MAGI2: variants seen among roughly 807,000 people sequenced by gnomAD.
The protein encoded by MAGI2 is membrane associated guanylate kinase, WW and PDZ domain containing 2, also known as membrane-associated guanylate kinase, WW and PDZ domain-containing protein 2.
MAGI2 carries 35 observed loss-of-function variants against 133.3 expected under a neutral mutation model. The observed-to-expected ratio is 0.26, with a 90% confidence interval of 0.20 to 0.35. MAGI2 has a LOEUF of 0.35. Ranked by LOEUF, MAGI2 falls within the 10% of genes least tolerant of loss-of-function variation. The pLI is 1.00. For synonymous variants in MAGI2, 729 were observed against 710.6 expected (o/e 1.03, Z -0.41); for missense variants, 1,636 against 1,863.4 (o/e 0.88, Z 2.25).
At chr7:78,241,658 T>C (rs4730151) in intron 10 of MAGI2, among the ~76,000 whole-genome samples, 50,503 of 151,966 alleles carry the variant, frequency 0.33, 8,471 homozygotes, top group Middle Eastern at 0.4. Context: ...CATGGCCAGG[T>C]GCAGTGGCTC....
At chr7:78,246,207 G>A (rs1791762996) in intron 10 of MAGI2, among the ~76,000 whole-genome samples, 1 of 152,166 alleles carries the variant, frequency 6.6e-6, no homozygotes, top group Non-Finnish European at 1.5e-5. Context: ...CCATGTCTGA[G>A]CTGAAATAGT....
rs71517019 is a variant in MAGI2, at chr7:78,497,722, TTCTATCTA to T, written c.965+3847_965+3854del. The stretch of plus-strand genomic sequence containing the variant: ...CCTTTATGCTATTCAGAAATAACTA[TTCTATCTA>T]TCTATCTATCTATCTATCTATCTAT... On this transcript the variant is annotated intron_variant, in intron 5 of 21. Coordinates refer to ENST00000354212, the MANE Select transcript of MAGI2 (RefSeq NM_012301.4). 5.8e-3 allele frequency among the ~76,000 whole-genome samples: 568 copies of T among 97,238 alleles called. 8 individuals are homozygous for T. Among genetic ancestry groups the T allele is most frequent in the East Asian group, 0.017 (66 of 3,796 alleles). The allele number at this position is 97,238 out of a possible 152,430, so 63.8% of individuals were successfully genotyped here.
At chr7:79,425,102 T>A (rs1847247155) in intron 1 of MAGI2, among the ~76,000 whole-genome samples, 1 of 151,746 alleles carries the variant, frequency 6.6e-6, no homozygotes, top group Non-Finnish European at 1.5e-5. Context: ...AGAAAAAAAA[T>A]TAGCTGGGAG....
At chr7:78,338,641 C>A (rs565190935) in intron 9 of MAGI2, among the ~76,000 whole-genome samples, 1 of 152,086 alleles carries the variant, frequency 6.6e-6, no homozygotes, top group African/African-American at 2.4e-5. Context: ...AAGAGCCATT[C>A]CCTCTATTAT....
chr7:78,431,335 T>G (rs796891550), intron 6 of MAGI2, among the ~76,000 whole-genome samples: 5 of 152,178 alleles, frequency 3.3e-5, no homozygotes, highest in African/African-American at 1.2e-4. Context: ...TGACTTTCTT[T>G]CGAGCTAATA....
chr7:78,885,729 T>G lies in MAGI2; in HGVS notation c.418+121361A>C, dbSNP rs886596471. ...ACTTTGAAATTTTAATTTACTATAA[T>G]ATATTTTGAAAACCAGCTACTTTTT... On this transcript the variant is annotated intron_variant, in intron 2 of 21. Coordinates refer to ENST00000354212, the MANE Select transcript of MAGI2 (RefSeq NM_012301.4). 5.3e-5 allele frequency among the ~76,000 whole-genome samples: 8 copies of G among 151,716 alleles called. No homozygotes were observed. The East Asian group carries it at 5.8e-4, about 11-fold the overall frequency.
At chr7:79,263,696 T>C (rs1834234703) in intron 1 of MAGI2, among the ~76,000 whole-genome samples, 1 of 152,162 alleles carries the variant, frequency 6.6e-6, no homozygotes, top group African/African-American at 2.4e-5. Flanking sequence ...ATGACAAATA[T>C]ATTGAACTCT....
intron 10 of MAGI2, among the ~76,000 whole-genome samples, chr7:78,241,527 AATT>A (rs1049322351): frequency 4.6e-5 from 7 of 152,234 alleles, no homozygotes; most frequent in African/African-American, 1.7e-4. Context: ...AAATTGGGTC[AATT>A]ATTAACTCTC....
At chr7:78,867,549 G>A (rs1188178593) in intron 2 of MAGI2, among the ~76,000 whole-genome samples, 11 of 144,570 alleles carry the variant, frequency 7.6e-5, no homozygotes, top group Non-Finnish European at 1.4e-4. Context: ...TGTGGCGTGG[G>A]GGGAGGGGGG....
chr7:79,275,601 C>T (rs1277518680), intron 1 of MAGI2, among the ~76,000 whole-genome samples: 1 of 152,168 alleles, frequency 6.6e-6, no homozygotes, highest in African/African-American at 2.4e-5. Flanking sequence ...AAACAACAGA[C>T]ATTCAATGTA....
chr7:78,322,834 CAG>C (rs1267251561), intron 9 of MAGI2, among the ~76,000 whole-genome samples: 2 of 152,040 alleles, frequency 1.3e-5, no homozygotes, highest in East Asian at 3.9e-4. Flanking sequence ...ATTAGTAACT[CAG>C]AGTCTTAAGT....
At chr7:78,731,792 A>G (rs1302501683) in intron 2 of MAGI2, among the ~76,000 whole-genome samples, 1 of 152,134 alleles carries the variant, frequency 6.6e-6, no homozygotes, top group Non-Finnish European at 1.5e-5. Flanking sequence ...CTGTATATCT[A>G]TGGATTTAAG....
At chr7:78,378,500 C>A (rs1187634549) in intron 6 of MAGI2, among the ~76,000 whole-genome samples, 1 of 151,938 alleles carries the variant, frequency 6.6e-6, no homozygotes, top group Non-Finnish European at 1.5e-5. Context: ...AAAAGATAAG[C>A]TCCTTACAAT....
At chr7:79,295,177 A>T (rs1358701110) in intron 1 of MAGI2, among the ~76,000 whole-genome samples, 1 of 152,198 alleles carries the variant, frequency 6.6e-6, no homozygotes, top group East Asian at 1.9e-4. Context: ...AATTTAAAAC[A>T]TTATAAAACA....
At chr7:78,821,278 C>T (rs576967213) in intron 2 of MAGI2, among the ~76,000 whole-genome samples, 4 of 152,022 alleles carry the variant, frequency 2.6e-5, no homozygotes, top group Non-Finnish European at 4.4e-5. Flanking sequence ...GTGCCAGGCA[C>T]TGTTTTAGGC....
chr7:79,033,448 GTGT>G (rs1001547311), intron 1 of MAGI2, among the ~76,000 whole-genome samples: 64 of 152,094 alleles, frequency 4.2e-4, no homozygotes, highest in Admixed American at 1.1e-3. Flanking sequence ...CATTTTATAT[GTGT>G]TTTCTATGTC....
chr7:78,587,095 C>A (rs1803497561), intron 3 of MAGI2, among the ~76,000 whole-genome samples: 3 of 152,110 alleles, frequency 2.0e-5, no homozygotes, highest in Admixed American at 2.0e-4. Flanking sequence ...GGTATATACC[C>A]AGAAGTGAAA....
chr7:78,457,931 A>C (rs1225276197), intron 6 of MAGI2, among the ~76,000 whole-genome samples: 1 of 152,210 alleles, frequency 6.6e-6, no homozygotes. Context: ...GCCTTTAATA[A>C]TATGCACAAA....
intron 13 of MAGI2, among the ~76,000 whole-genome samples, chr7:78,180,221 ATTC>A (rs1157555929): frequency 6.6e-6 from 1 of 152,230 alleles, no homozygotes; most frequent in Admixed American, 6.6e-5. Context: ...CATCTCCTGT[ATTC>A]TTCTCACTTT....
Sources: gnomAD v4.1 joint callset for allele counts (sites outside exome capture counted in the v4.1 genomes callset) on GRCh38, gnomAD v4.1.1 for gene constraint, MANE v1.5 for transcripts, NCBI Gene and HGNC (gene_info 2026-07-23, HGNC 2026-07-21) for gene names.